The following ATRNL1 variants were observed in gnomAD, a reference collection of about 807,000 sequenced individuals.
ATRNL1 encodes attractin like 1.
In ATRNL1, 95 loss-of-function variants were observed where a neutral mutation model predicts 182.7. That is an observed-to-expected ratio of 0.52 (90% CI 0.44 to 0.62). The LOEUF (loss-of-function observed/expected upper bound fraction) is 0.62, where lower values mean the gene tolerates loss of function less well. Among genes scored for constraint, ATRNL1 ranks in the 20% least tolerant of loss-of-function variants. ATRNL1 has a pLI of 0.00. For synonymous variants in ATRNL1, 576 were observed against 568.3 expected (o/e 1.01, Z -0.19); for missense variants, 1,471 against 1,679.5 (o/e 0.88, Z 2.17).
At chr10:115,741,588 C>T (rs978940414) in intron 27 of ATRNL1, among the ~76,000 whole-genome samples, 3 of 152,120 alleles carry the variant, frequency 2.0e-5, no homozygotes, top group Non-Finnish European at 2.9e-5. Flanking sequence ...AGAAAGATTA[C>T]ACTGGCAGCA....
chr10:115,589,942 G>A (rs1293452008), intron 26 of ATRNL1, among the ~76,000 whole-genome samples: 4 of 152,134 alleles, frequency 2.6e-5, no homozygotes, highest in South Asian at 2.1e-4. Context: ...GTGTAAAACC[G>A]AATTCTATCT....
chr10:115,896,909 T>C (rs559534348), intron 28 of ATRNL1, among the ~76,000 whole-genome samples: 26 of 152,276 alleles, frequency 1.7e-4, no homozygotes, highest in African/African-American at 6.3e-4. Flanking sequence ...TACAAACTTG[T>C]AATAGGGAGG....
chr10:115,151,788 C>T (rs1427923173), intron 5 of ATRNL1, among the ~76,000 whole-genome samples: 5 of 152,162 alleles, frequency 3.3e-5, no homozygotes, highest in South Asian at 4.1e-4. Context: ...AGTCCTTGCC[C>T]ATGCCTGTGT....
intron 8 of ATRNL1, among the ~76,000 whole-genome samples, chr10:115,189,036 A>G (rs1368891310): frequency 6.6e-6 from 1 of 152,188 alleles, no homozygotes. Flanking sequence ...CAGTTATGCC[A>G]TGCACAATAT....
intron 5 of ATRNL1, among the ~76,000 whole-genome samples, chr10:115,156,696 G>T (rs1403357454): frequency 6.6e-6 from 1 of 152,060 alleles, no homozygotes; most frequent in Non-Finnish European, 1.5e-5. Flanking sequence ...AGGTGAATTT[G>T]TTTATTACAC....
At chr10:115,747,736 A>G (rs1371274965) in intron 27 of ATRNL1, among the ~76,000 whole-genome samples, 1 of 152,152 alleles carries the variant, frequency 6.6e-6, no homozygotes, top group East Asian at 1.9e-4. Context: ...CAAAAATACC[A>G]TAAACTTCTG....
intron 26 of ATRNL1, among the ~76,000 whole-genome samples, chr10:115,725,035 C>T (rs1172203738): frequency 1.3e-5 from 2 of 152,064 alleles, no homozygotes; most frequent in Non-Finnish European, 2.9e-5. Context: ...TTGTCTAATT[C>T]TTTATTTGTA....
At chr10:115,903,864 T>C (rs1258486600) in intron 28 of ATRNL1, among the ~76,000 whole-genome samples, 1 of 152,170 alleles carries the variant, frequency 6.6e-6, no homozygotes, top group East Asian at 1.9e-4. Context: ...CATTTTAACT[T>C]TGCATTTTAA....
intron 26 of ATRNL1, among the ~76,000 whole-genome samples, chr10:115,584,080 C>T: frequency 6.6e-6 from 1 of 151,902 alleles, no homozygotes; most frequent in East Asian, 1.9e-4. Flanking sequence ...TTCAACCAGC[C>T]TTGCATCCCA....
chr10:115,419,166 T>C (rs1470493391), intron 20 of ATRNL1, among the ~76,000 whole-genome samples: 6 of 152,210 alleles, frequency 3.9e-5, no homozygotes, highest in Admixed American at 6.5e-5. Flanking sequence ...ACCATTTTTG[T>C]TGTTTTCTTC....
chr10:115,305,168 A>G (rs1313653074), intron 17 of ATRNL1, among the ~76,000 whole-genome samples: 1 of 151,872 alleles, frequency 6.6e-6, no homozygotes, highest in Non-Finnish European at 1.5e-5. Flanking sequence ...TAGCCACTGC[A>G]TAAGGCAATG....
At chr10:115,158,376 T>G (rs1846620653) in intron 5 of ATRNL1, among the ~76,000 whole-genome samples, 1 of 152,010 alleles carries the variant, frequency 6.6e-6, no homozygotes, top group Admixed American at 6.6e-5. Context: ...AGACAATACT[T>G]AACTGAATGA....
At chr10:115,491,409 G>A (rs1849294384) in intron 24 of ATRNL1, among the ~76,000 whole-genome samples, 1 of 137,580 alleles carries the variant, frequency 7.3e-6, no homozygotes, top group Non-Finnish European at 1.6e-5. Context: ...TCCCTGACTT[G>A]GGCTGCTGCC....
At chr10:115,254,585 T>C (rs1355178410) in intron 10 of ATRNL1, among the ~76,000 whole-genome samples, 1 of 152,198 alleles carries the variant, frequency 6.6e-6, no homozygotes, top group Non-Finnish European at 1.5e-5. Flanking sequence ...ATTCTGTAGG[T>C]TGCCTGTTCA....
chr10:115,321,176 G>C (rs1475690674), intron 18 of ATRNL1, among the ~76,000 whole-genome samples: 3 of 151,952 alleles, frequency 2.0e-5, no homozygotes, highest in Non-Finnish European at 4.4e-5. Context: ...GGTTTGCTGG[G>C]GGTTCACTTC....
At position 115,629,424 on chromosome 10, in the gene ATRNL1, C is replaced by A. The variant is rs142456476; in HGVS notation, c.3795+79888C>A. On this transcript the variant is annotated intron_variant, in intron 26 of 28. Transcript: ENST00000355044. ...GTCTGAAGTAATCATGAATCCTATTCTCCTTGCCAGACATGATGTTTTCAA... is the reference window on the plus strand; with the variant it reads ...GTCTGAAGTAATCATGAATCCTATTATCCTTGCCAGACATGATGTTTTCAA... Among the ~76,000 whole-genome samples the A allele has an allele frequency of 4.0e-3, 616 of 152,222 alleles. 5 individuals carry two copies. The highest frequency in any genetic ancestry group is 0.014 in the African/African-American group (564 of 41,552).
At chr10:115,526,673 C>G (rs1554986630) in intron 25 of ATRNL1, among the ~76,000 whole-genome samples, 1 of 152,162 alleles carries the variant, frequency 6.6e-6, no homozygotes. Context: ...ATCTTACCTT[C>G]TGTTTACTTG....
At chr10:115,341,550 C>G (rs541294837) in intron 19 of ATRNL1, among the ~76,000 whole-genome samples, 2 of 151,994 alleles carry the variant, frequency 1.3e-5, no homozygotes, top group Non-Finnish European at 2.9e-5. Context: ...GATTAAGTCC[C>G]ATGTTTCTTT....
chr10:115,101,211 C>G (rs1402688756), intron 1 of ATRNL1, among the ~76,000 whole-genome samples: 1 of 150,422 alleles, frequency 6.6e-6, no homozygotes, highest in Non-Finnish European at 1.5e-5. Context: ...CTTTTTTTTT[C>G]TTGCCTTATT....
Sources: allele counts gnomAD v4.1 joint callset (sites outside exome capture counted in the v4.1 genomes callset), GRCh38; gene constraint gnomAD v4.1.1; transcripts MANE v1.5; gene names NCBI Gene and HGNC (gene_info 2026-07-23, HGNC 2026-07-21).